PDE4D: variants seen among roughly 807,000 people sequenced by gnomAD.
The protein encoded by PDE4D is 3',5'-cyclic-AMP phosphodiesterase 4D.
Under a neutral mutation model 87.4 loss-of-function variants are expected in PDE4D, and 24 were observed. The observed-to-expected ratio is 0.27, with a 90% CI of 0.20 to 0.39. The LOEUF is 0.39. Ranked by LOEUF, PDE4D falls within the 10% of genes least tolerant of loss-of-function variation. PDE4D has a pLI of 1.00. For missense variants in PDE4D, 714 were observed against 1,041.0 expected, an observed-to-expected ratio of 0.69 and a Z score of 4.32; for synonymous variants, 384 against 383.2, an observed-to-expected ratio of 1.00 and a Z score of -0.02.
chr5:59,341,723 A>T (rs1422264784), intron 1 of PDE4D, among the ~76,000 whole-genome samples: 1 of 152,162 alleles, frequency 6.6e-6, no homozygotes, highest in Admixed American at 6.5e-5. Flanking sequence ...TTACAGGGTC[A>T]CTTGGTTGGT....
At chr5:59,037,859 T>C (rs144699488) in intron 6 of PDE4D, among the ~76,000 whole-genome samples, 3,390 of 152,244 alleles carry the variant, frequency 0.022, 63 homozygotes, top group South Asian at 0.06. Flanking sequence ...ATCACTCATT[T>C]AAAGATATGT....
chr5:59,675,214 ATAC>A lies in PDE4D; in HGVS notation c.455+217951_455+217953del, dbSNP rs550431518. Among the ~76,000 whole-genome samples the A allele has an allele frequency of 3.6e-3, 547 of 152,282 alleles. 3 individuals are homozygous for A. Among genetic ancestry groups the A allele is most frequent in the Non-Finnish European group, 6.2e-3 (423 of 68,022 alleles). On this transcript the variant is annotated intron_variant, in intron 1 of 14. Coordinates refer to ENST00000340635, the MANE Select transcript of PDE4D (RefSeq NM_001104631.2). Reference sequence around the variant, plus strand: ...TATAATACACAGTAAACGTCTCAGAATACTACTACTTTTGAAGTACAAAGATTG... The same window carrying A: ...TATAATACACAGTAAACGTCTCAGAATACTACTTTTGAAGTACAAAGATTG...
chr5:59,091,033 A>C (rs1257867600), intron 5 of PDE4D: 1 of 425,216 alleles, frequency 2.4e-6, no homozygotes, highest in East Asian at 7.4e-5. Context: ...AACAACAACA[A>C]AAACAAATAC....
chr5:60,067,675 G>T (rs1266486148), intron 2 of PDE4D, among the ~76,000 whole-genome samples: 1 of 151,940 alleles, frequency 6.6e-6, no homozygotes, highest in Non-Finnish European at 1.5e-5. Flanking sequence ...CATCTTTCTT[G>T]ACTGAAACTT....
intron 5 of PDE4D, among the ~76,000 whole-genome samples, chr5:59,083,336 T>C (rs1767104262): frequency 6.6e-6 from 1 of 152,140 alleles, no homozygotes; most frequent in Admixed American, 6.6e-5. Flanking sequence ...GTATCCTTTT[T>C]TCCTTGTTCG....
chr5:59,341,052 C>CT (rs1015868781), intron 1 of PDE4D, among the ~76,000 whole-genome samples: 5 of 152,054 alleles, frequency 3.3e-5, no homozygotes, highest in Non-Finnish European at 7.4e-5. Flanking sequence ...AAAATTTTTA[C>CT]TTTTTTTCAC....
chr5:60,136,023 A>G (rs1009075048), intron 2 of PDE4D, among the ~76,000 whole-genome samples: 1 of 152,204 alleles, frequency 6.6e-6, no homozygotes, highest in Non-Finnish European at 1.5e-5. Flanking sequence ...AGGATATTCC[A>G]TAGGTGGTCT....
chr5:59,157,003 T>G (rs1561587068), intron 5 of PDE4D: 2 of 197,988 alleles, frequency 1.0e-5, no homozygotes, highest in Non-Finnish European at 1.8e-5. Context: ...ATCTTGGATT[T>G]CTTCATTAAT....
intron 5 of PDE4D, among the ~76,000 whole-genome samples, chr5:59,092,118 T>C (rs976858961): frequency 2.0e-5 from 3 of 152,208 alleles, no homozygotes; most frequent in Non-Finnish European, 4.4e-5. Context: ...TAAGCCATGT[T>C]TGAAACATAA....
intron 1 of PDE4D, among the ~76,000 whole-genome samples, chr5:59,446,416 C>G (rs1392244186): frequency 6.6e-6 from 1 of 152,144 alleles, no homozygotes; most frequent in Non-Finnish European, 1.5e-5. Context: ...TGGGAATTAT[C>G]ATTACAGGGC....
At chr5:60,372,531 T>C (rs931526082) in intron 1 of PDE4D, 71 of 152,216 alleles carry the variant, frequency 4.7e-4, no homozygotes, top group Non-Finnish European at 8.8e-4. Flanking sequence ...CAGATAGCCT[T>C]ACCTCCCACT....
chr5:60,249,127 C>A (rs189319822), intron 1 of PDE4D, among the ~76,000 whole-genome samples: 50 of 152,114 alleles, frequency 3.3e-4, no homozygotes, highest in Middle Eastern at 3.4e-3. Flanking sequence ...AGCTGGACCC[C>A]TTCCTCTGAA....
At chr5:59,481,082 C>T (rs1467155295) in intron 1 of PDE4D, among the ~76,000 whole-genome samples, 1 of 152,064 alleles carries the variant, frequency 6.6e-6, no homozygotes, top group East Asian at 1.9e-4. Context: ...GGCAAATATT[C>T]CTACACTCTG....
intron 1 of PDE4D, among the ~76,000 whole-genome samples, chr5:59,796,048 C>T (rs1344866456): frequency 6.6e-6 from 1 of 152,112 alleles, no homozygotes; most frequent in Non-Finnish European, 1.5e-5. Context: ...GGATTTCTGG[C>T]CTCCAGAACT....
chr5:60,363,741 G>A (rs566960926), intron 1 of PDE4D, among the ~76,000 whole-genome samples: 2 of 152,282 alleles, frequency 1.3e-5, no homozygotes, highest in Admixed American at 1.3e-4. Context: ...CCAATGATCT[G>A]GAGAAAGAGC....
At chr5:59,235,194 A>C (rs768540593) in intron 1 of PDE4D, among the ~76,000 whole-genome samples, 8 of 152,156 alleles carry the variant, frequency 5.3e-5, no homozygotes, top group Non-Finnish European at 8.8e-5. Flanking sequence ...ACATGAAAAA[A>C]ATCTCTCAGG....
chr5:59,139,199 A>G (rs1214213453), intron 5 of PDE4D, among the ~76,000 whole-genome samples: 2 of 152,212 alleles, frequency 1.3e-5, no homozygotes, highest in Non-Finnish European at 2.9e-5. Context: ...GGCAAAAGAC[A>G]GGACATTTAC....
intron 1 of PDE4D, among the ~76,000 whole-genome samples, chr5:59,410,085 A>G (rs62357478): frequency 0.17 from 26,159 of 152,014 alleles, 3,041 homozygotes; most frequent in African/African-American, 0.32. Context: ...CATTCCAATT[A>G]TATTCTTTTA....
upstream of PDE4D, among the ~76,000 whole-genome samples, chr5:59,895,004 T>A (rs1335792613): frequency 2.6e-5 from 4 of 152,232 alleles, no homozygotes; most frequent in Non-Finnish European, 5.9e-5. Context: ...GTACCATCCA[T>A]TATTTGAACG....
Sources: gnomAD v4.1 joint callset for allele counts (sites outside exome capture counted in the v4.1 genomes callset) on GRCh38, gnomAD v4.1.1 for gene constraint, MANE v1.5 for transcripts, NCBI Gene and HGNC (gene_info 2026-07-23, HGNC 2026-07-21) for gene names.